Variants in EIF4G3 observed in about 807,000 individuals in gnomAD.
The protein encoded by EIF4G3 is eukaryotic translation initiation factor 4 gamma 3, also known as eIF-4-gamma 3.
EIF4G3 carries 34 observed loss-of-function variants against 186.4 expected under a neutral mutation model. The ratio of observed to expected loss-of-function variants is 0.18; its 90% CI spans 0.14 to 0.24. EIF4G3 has a LOEUF of 0.24. Among genes scored for constraint, EIF4G3 ranks in the 10% least tolerant of loss-of-function variants. The pLI is 1.00. For synonymous variants in EIF4G3, 673 were observed against 679.5 expected (o/e 0.99, Z 0.15); for missense variants, 1,536 against 1,948.5 (o/e 0.79, Z 3.99).
chr1:21,094,256 C>T lies in EIF4G3; in HGVS notation c.-271-5043G>A, dbSNP rs528292736. Among the ~76,000 whole-genome samples, 16 of 151,952 alleles carry T rather than the reference C, an allele frequency of 1.1e-4. No homozygotes were observed. In the East Asian group the frequency reaches 2.9e-3, roughly 28 times the overall value. On this transcript the variant is annotated intron_variant, in intron 2 of 36. Transcript: ENST00000602326. Reference sequence around the variant, plus strand: ...CTAGAAATACCATTTGACCCAGCCACTCCATTACTGGGCATATACCCAAAG... The same window carrying T: ...CTAGAAATACCATTTGACCCAGCCATTCCATTACTGGGCATATACCCAAAG...
chr1:20,813,832 G>A (rs923972367), intron 34 of EIF4G3, among the ~76,000 whole-genome samples: 15 of 150,904 alleles, frequency 9.9e-5, no homozygotes, highest in Non-Finnish European at 2.2e-4. Context: ...GGCGACAAGT[G>A]CAAAACTCCA....
At position 20,953,957 on chromosome 1, in the gene EIF4G3, A is replaced by G. The variant is rs192714279; in HGVS notation, c.715-3846T>C. Among the ~76,000 whole-genome samples the G allele has an allele frequency of 3.9e-3, 589 of 152,354 alleles. 5 individuals carry two copies. The highest frequency in any genetic ancestry group is 0.014 in the African/African-American group (566 of 41,590). On this transcript the variant is annotated intron_variant, in intron 12 of 36. Transcript: ENST00000602326. ...ATAACTGCTTTTGTGCCACAATGGC[A>G]GAATCGAAGAGTGCTAAAAGAGACA... is the stretch of plus-strand genomic sequence containing the variant.
At chr1:21,006,079 C>T (rs1198502371) in intron 4 of EIF4G3, among the ~76,000 whole-genome samples, 1 of 152,086 alleles carries the variant, frequency 6.6e-6, no homozygotes, top group Non-Finnish European at 1.5e-5. Flanking sequence ...ATTCAACGAT[C>T]GTTCAGAGCA....
intron 18 of EIF4G3, among the ~76,000 whole-genome samples, chr1:20,891,084 T>A (rs1356916631): frequency 1.3e-5 from 2 of 152,262 alleles, no homozygotes; most frequent in Non-Finnish European, 2.9e-5. Context: ...AATAACTCAC[T>A]GATCTCACAT....
At chr1:20,871,161 G>T (rs1007663460) in intron 20 of EIF4G3, among the ~76,000 whole-genome samples, 5 of 152,140 alleles carry the variant, frequency 3.3e-5, no homozygotes, top group Non-Finnish European at 2.9e-5. Context: ...TACAAAAGAG[G>T]TTTTAAATGG....
rs544867755 is a variant in EIF4G3, at chr1:20,839,790, A to G, written c.4061+1066T>C. Among the ~76,000 whole-genome samples the G allele has an allele frequency of 7.9e-4, 121 of 152,214 alleles. 1 individual carries two copies. The highest frequency in any genetic ancestry group is 6.8e-3 in the Middle Eastern group (2 of 294). On this transcript the variant is annotated intron_variant, in intron 30 of 36. Coordinates refer to ENST00000602326, the MANE Select transcript of EIF4G3 (RefSeq NM_001391906.1). ...AGGTGTGAGCCACTGCACCTGGCCA[A>G]CAATGACATTTAATGGTTACCTTAT...
intron 10 of EIF4G3, among the ~76,000 whole-genome samples, chr1:20,974,627 G>T (rs1001171962): frequency 8.6e-5 from 13 of 152,018 alleles, no homozygotes; most frequent in Admixed American, 2.6e-4. Flanking sequence ...TGCCGTAAAA[G>T]AAAAGCAGAA....
chr1:21,111,599 A>C, intron 2 of EIF4G3: 1 of 270,054 alleles, frequency 3.7e-6, no homozygotes, highest in Non-Finnish European at 7.4e-6. Context: ...AGCTACAATA[A>C]AATATTATTA....
chr1:20,844,129 G>T (rs2069791965), intron 29 of EIF4G3, among the ~76,000 whole-genome samples: 1 of 152,156 alleles, frequency 6.6e-6, no homozygotes, highest in Non-Finnish European at 1.5e-5. Flanking sequence ...GTGTGCATGT[G>T]TCTTTATAAG....
At chr1:20,950,182 G>T in intron 12 of EIF4G3, 71 bp from the exon 13 acceptor site, 1 of 1,163,296 alleles carries the variant, frequency 8.6e-7, no homozygotes. Flanking sequence ...TGGAACCCAA[G>T]CAAGTAGGGA....
intron 2 of EIF4G3, among the ~76,000 whole-genome samples, chr1:21,132,803 G>A (rs770700202): frequency 2.6e-5 from 4 of 151,616 alleles, no homozygotes; most frequent in Non-Finnish European, 4.4e-5. Flanking sequence ...ATCTTTTGGA[G>A]ACAGGGTCTT....
In EIF4G3 at chr1:20,857,425, G is replaced by A. The variant is rs2154551371; in HGVS notation, c.3317C>T (p.Ser1106Leu). 2.5e-6 allele frequency: 4 copies of A among 1,613,984 alleles called. No individual in the cohort carries two copies. The highest frequency in any genetic ancestry group is 1.6e-4 in the Middle Eastern group (1 of 6,062). The change falls in exon 25 of 37, where the codon TCA (serine) becomes TTA (leucine). Residue 1106 changes from serine (S) to leucine (L), a missense_variant. Physicochemically the swap from Ser to Leu is moderately radical, Grantham distance 145. Around this residue, in one of 11 missense-constraint regions of EIF4G3, gnomAD observed 110 missense variants for 166.2 expected, o/e 0.66. Transcript: ENST00000602326. ...GAKNSRVLDPSKFLKITKPTI... is the reference protein window; with the variant it reads ...GAKNSRVLDPLKFLKITKPTI... The stretch of plus-strand genomic sequence containing the variant: ...CACCTTAGTGATTTTTAGGAATTTT[G>A]AGGGGTCCAGTACCCGACTGTTCTT...
chr1:21,014,480 A>G (rs1228229879), intron 4 of EIF4G3, among the ~76,000 whole-genome samples: 1 of 152,014 alleles, frequency 6.6e-6, no homozygotes, highest in Non-Finnish European at 1.5e-5. Context: ...CCCACCATCC[A>G]TCGTCAAGTA....
intron 3 of EIF4G3, 119 bp from the exon 4 acceptor site, chr1:21,051,113 C>A: frequency 1.6e-6 from 1 of 629,128 alleles, no homozygotes; most frequent in Non-Finnish European, 2.9e-6. Context: ...CTAAAATAAG[C>A]ACGAGACTGA....
chr1:20,841,249 C>G (rs1023792423), intron 29 of EIF4G3: 2 of 353,900 alleles, frequency 5.7e-6, no homozygotes, highest in Non-Finnish European at 9.9e-6. Context: ...AAGAGCATTA[C>G]AGCCCTTTTC....
chr1:21,024,819 CT>C (rs2091797347), intron 4 of EIF4G3, among the ~76,000 whole-genome samples: 1 of 149,442 alleles, frequency 6.7e-6, no homozygotes, highest in Admixed American at 6.7e-5. Context: ...ATCTGCTGAC[CT>C]TCCCTCCACT....
At chr1:21,099,006 C>T (rs2096455979) in intron 2 of EIF4G3, among the ~76,000 whole-genome samples, 1 of 152,072 alleles carries the variant, frequency 6.6e-6, no homozygotes, top group African/African-American at 2.4e-5. Context: ...AATAAAGACA[C>T]AAAAGGCTCT....
intron 2 of EIF4G3, chr1:21,175,471 C>CT (rs1447361317): frequency 1.3e-5 from 2 of 152,132 alleles, no homozygotes; most frequent in African/African-American, 4.8e-5. Flanking sequence ...AGAAGTGAGA[C>CT]TTTTGTGGGT....
chr1:20,857,162 C>CAAAAAAAAAAAAAAAAAAAAAAA (rs577290987), intron 25 of EIF4G3, among the ~76,000 whole-genome samples: 4 of 47,364 alleles, frequency 8.4e-5, no homozygotes, highest in African/African-American at 3.3e-4. Context: ...GACTCCATCT[C>CAAAAAAAAAAAAAAAAAAAAAAA]AAAAAAAAAA....
Sources: gnomAD v4.1 joint callset for allele counts (sites outside exome capture counted in the v4.1 genomes callset) on GRCh38, gnomAD v4.1.1 for gene constraint, gnomAD v4.1.1 regional missense constraint, MANE v1.5 for transcripts, NCBI Gene and HGNC (gene_info 2026-07-23, HGNC 2026-07-21) for gene names.